DLGAP2: variants seen among roughly 807,000 people sequenced by gnomAD.
DLGAP2 encodes disks large-associated protein 2.
A neutral mutation model predicts 100.3 loss-of-function variants in DLGAP2; 26 were observed. The observed-to-expected ratio is 0.26, with a 90% CI of 0.19 to 0.36. The LOEUF is 0.36. Among genes scored for constraint, DLGAP2 ranks in the 10% least tolerant of loss-of-function variants. DLGAP2 has a pLI of 1.00. For missense variants in DLGAP2, 1,858 were observed against 1,453.2 expected (o/e 1.28, Z -4.53); for synonymous variants, 886 against 630.1 (o/e 1.41, Z -6.08).
intron 2 of DLGAP2, chr8:1,246,782 G>C (rs1457022341): frequency 6.5e-6 from 1 of 152,682 alleles, no homozygotes; most frequent in African/African-American, 2.4e-5. Flanking sequence ...GTGTGAGTCT[G>C]ATGGCCCACA....
chr8:951,315 G>A (rs948900019), intron 2 of DLGAP2, among the ~76,000 whole-genome samples: 2 of 151,806 alleles, frequency 1.3e-5, no homozygotes, highest in Non-Finnish European at 2.9e-5. Flanking sequence ...GTGTGATCTC[G>A]GCTCACTGCA....
intron 3 of DLGAP2, among the ~76,000 whole-genome samples, chr8:1,499,865 G>T (rs1379832080): frequency 1.3e-5 from 2 of 151,930 alleles, no homozygotes; most frequent in Non-Finnish European, 2.9e-5. Flanking sequence ...ATTGAAAATG[G>T]CAGATGCCGA....
intron 2 of DLGAP2, among the ~76,000 whole-genome samples, chr8:1,123,680 T>C (rs774020553): frequency 5.9e-5 from 9 of 152,122 alleles, no homozygotes; most frequent in Non-Finnish European, 1.3e-4. Flanking sequence ...TCTTTTTCTC[T>C]TTTTTTCTCT....
intron 2 of DLGAP2, among the ~76,000 whole-genome samples, chr8:1,185,792 G>T (rs1186574301): frequency 6.6e-6 from 1 of 151,860 alleles, no homozygotes; most frequent in African/African-American, 2.4e-5. Context: ...TAGGAACCAA[G>T]GCTGGTGGAA....
intron 8 of DLGAP2, among the ~76,000 whole-genome samples, chr8:1,633,674 A>G (rs1225050963): frequency 6.6e-6 from 1 of 152,224 alleles, no homozygotes; most frequent in Non-Finnish European, 1.5e-5. Context: ...CGATGAATAC[A>G]CATGGCCTAG....
intron 3 of DLGAP2, among the ~76,000 whole-genome samples, chr8:1,410,678 G>A (rs557128709): frequency 2.0e-5 from 3 of 152,140 alleles, no homozygotes; most frequent in Non-Finnish European, 4.4e-5. Flanking sequence ...TTTCACGCAC[G>A]GCATCAGGGA....
intron 2 of DLGAP2, among the ~76,000 whole-genome samples, chr8:1,147,287 ACT>A (rs143213821): frequency 0.046 from 7,017 of 151,988 alleles, 397 homozygotes; most frequent in African/African-American, 0.14. Context: ...TAAAAATGAA[ACT>A]CTGTAAAATA....
chr8:1,627,284 T>C (rs1187836510), intron 7 of DLGAP2, among the ~76,000 whole-genome samples: 5 of 152,212 alleles, frequency 3.3e-5, no homozygotes, highest in Non-Finnish European at 5.9e-5. Context: ...CAGAAAGTCC[T>C]GTGAGAGGAT....
intron 2 of DLGAP2, among the ~76,000 whole-genome samples, chr8:995,861 G>C (rs543046185): frequency 6.6e-6 from 1 of 152,212 alleles, no homozygotes; most frequent in South Asian, 2.1e-4. Flanking sequence ...TCCATGGAGG[G>C]TTAAGCTTAT....
At chr8:798,047 G>C (rs1387130073) in intron 1 of DLGAP2, among the ~76,000 whole-genome samples, 1 of 152,188 alleles carries the variant, frequency 6.6e-6, no homozygotes, top group Non-Finnish European at 1.5e-5. Context: ...ACCACGCCTG[G>C]CCAGTCTTTT....
intron 2 of DLGAP2, among the ~76,000 whole-genome samples, chr8:908,758 C>T (rs1798429277): frequency 6.6e-6 from 1 of 152,174 alleles, no homozygotes; most frequent in African/African-American, 2.4e-5. Context: ...GTGTGAGGGG[C>T]TCTGCAAGCT....
intron 3 of DLGAP2, among the ~76,000 whole-genome samples, chr8:1,488,390 T>G (rs1326904444): frequency 6.6e-6 from 1 of 152,172 alleles, no homozygotes; most frequent in Non-Finnish European, 1.5e-5. Context: ...CAAGCTCAGA[T>G]TTTGATGCCA....
intron 2 of DLGAP2, among the ~76,000 whole-genome samples, chr8:933,591 ACGAGGGGAGGG>A: frequency 1.3e-5 from 1 of 75,558 alleles, no homozygotes; most frequent in African/African-American, 5.7e-5. Context: ...GGCCGTGGGC[ACGAGGGGAGGG>A]TGAGGGCAGA....
chr8:1,156,723 G>C lies in DLGAP2; in HGVS notation c.74-102128G>C, dbSNP rs372359493. 5.9e-5 allele frequency among the ~76,000 whole-genome samples: 9 copies of C among 152,204 alleles called. No homozygotes were observed. In the South Asian group the frequency reaches 1.9e-3, roughly 32 times the overall value. On this transcript the variant is annotated intron_variant, in intron 2 of 14. Coordinates refer to ENST00000637795, the MANE Select transcript of DLGAP2 (RefSeq NM_001346810.2). Reference sequence around the variant, plus strand: ...CAACCCGGCTCAGCGACCCGGCTCAGCACCCCAACTCAGCACCCCCGTTTG... The same window carrying C: ...CAACCCGGCTCAGCGACCCGGCTCACCACCCCAACTCAGCACCCCCGTTTG...
intron 2 of DLGAP2, among the ~76,000 whole-genome samples, chr8:1,112,985 G>C (rs1805007833): frequency 6.6e-6 from 1 of 151,806 alleles, no homozygotes; most frequent in African/African-American, 2.4e-5. Flanking sequence ...AATTATTTTT[G>C]TCAGCTTTGT....
At position 1,448,361 on chromosome 8, in the gene DLGAP2, G is replaced by C. The variant is rs1409533378; in HGVS notation, c.107-53005G>C. On this transcript the variant is annotated intron_variant, in intron 3 of 14. Transcript: ENST00000637795. ...TATTATGTACCTAGTAGTCATTCAGGAGCAGGTGGTTCAGTTTCCATGTAG... is the reference window on the plus strand; with the variant it reads ...TATTATGTACCTAGTAGTCATTCAGCAGCAGGTGGTTCAGTTTCCATGTAG... 2.0e-5 allele frequency among the ~76,000 whole-genome samples: 3 copies of C among 152,232 alleles called. No homozygotes were observed. In the South Asian group the frequency reaches 6.2e-4, roughly 32 times the overall value.
chr8:1,210,161 C>T (rs56127436), intron 2 of DLGAP2, among the ~76,000 whole-genome samples: 5,450 of 152,174 alleles, frequency 0.036, 330 homozygotes, highest in African/African-American at 0.12. Flanking sequence ...CCCCCAGGTT[C>T]CAGGCCAGGC....
chr8:1,441,031 A>C (rs984695976), intron 3 of DLGAP2, among the ~76,000 whole-genome samples: 3 of 152,194 alleles, frequency 2.0e-5, no homozygotes, highest in Non-Finnish European at 4.4e-5. Flanking sequence ...AAAATGAAAC[A>C]TTTGTGGTTG....
At chr8:924,338 C>T (rs768147944) in intron 2 of DLGAP2, among the ~76,000 whole-genome samples, 4 of 152,066 alleles carry the variant, frequency 2.6e-5, no homozygotes, top group Non-Finnish European at 5.9e-5. Flanking sequence ...AGGGCAGTAC[C>T]GACAGCAGGT....
Sources: gnomAD v4.1 joint callset for allele counts (sites outside exome capture counted in the v4.1 genomes callset) on GRCh38, gnomAD v4.1.1 for gene constraint, MANE v1.5 for transcripts, NCBI Gene and HGNC (gene_info 2026-07-23, HGNC 2026-07-21) for gene names.